Variants in CELA2A observed in about 807,000 individuals in gnomAD.
The protein encoded by CELA2A is chymotrypsin like elastase 2A, also known as chymotrypsin-like elastase family member 2A.
CELA2A carries 31 observed loss-of-function variants against 35.3 expected under a neutral mutation model. The ratio of observed to expected loss-of-function variants is 0.88; its 90% CI spans 0.66 to 1.19. The LOEUF is 1.19. Among genes scored for constraint, CELA2A ranks in the 50% most tolerant of loss-of-function variants. CELA2A has a pLI of 0.00. For missense variants in CELA2A, 330 were observed against 352.9 expected, an observed-to-expected ratio of 0.94 and a Z score of 0.52; for synonymous variants, 150 against 149.8, an observed-to-expected ratio of 1.00 and a Z score of -0.01.
intron 3 of CELA2A, chr1:15,462,216 G>A (rs373171213): frequency 4.3e-5 from 20 of 469,436 alleles, no homozygotes; most frequent in East Asian, 2.1e-4. Context: ...CTGCCGGGTC[G>A]GCGTGACTCC....
At chr1:15,461,758 T>G in intron 3 of CELA2A, 100 bp downstream of exon 3, 1 of 1,386,510 alleles carries the variant, frequency 7.2e-7, no homozygotes, top group South Asian at 1.2e-5. Flanking sequence ...AAAGCAGCCT[T>G]GCAAATAACC....
intron 3 of CELA2A, chr1:15,461,982 C>G: frequency 1.8e-6 from 1 of 547,796 alleles, no homozygotes. Context: ...ACTGACTTCT[C>G]AAAGCTTCAA....
chr1:15,462,280 T>C (rs768664236), intron 3 of CELA2A: 10 of 465,812 alleles, frequency 2.1e-5, no homozygotes, highest in East Asian at 6.9e-5. Context: ...CTAGGAGGTA[T>C]TGGGGAAAAT....
chr1:15,468,514 T>C (rs999321636), intron 7 of CELA2A, among the ~76,000 whole-genome samples: 9 of 152,154 alleles, frequency 5.9e-5, no homozygotes, highest in African/African-American at 1.9e-4. Flanking sequence ...AATTATTTAT[T>C]AAAAATAATA....
rs757198517 is a variant in CELA2A, at chr1:15,463,538, G to A, written c.493+16G>A. On this transcript the variant is annotated intron_variant, in intron 5 of 7. Coordinates refer to ENST00000359621, the MANE Select transcript of CELA2A (RefSeq NM_033440.3). ...AGGCTGCAGAGTAAGTGGGAGCCAG[G>A]AGCCCCCAGGCCTGGGAGGGAAGGG... is the stretch of plus-strand genomic sequence containing the variant. The A allele has an allele frequency of 3.7e-6, 6 of 1,612,844 alleles. No individual in the cohort carries two copies. The highest frequency in any genetic ancestry group is 3.4e-6 in the Non-Finnish European group (4 of 1,179,258).
At position 15,463,734 on chromosome 1, in the gene CELA2A, C is replaced by T. The variant is rs147507438; in HGVS notation, c.493+212C>T. On this transcript the variant is annotated intron_variant, in intron 5 of 7. Transcript: ENST00000359621. ...GGACACATTACTAGGTCTCTCCATGCAGCACTTTTTTCATCTGTAAAATGC... is the reference window on the plus strand; with the variant it reads ...GGACACATTACTAGGTCTCTCCATGTAGCACTTTTTTCATCTGTAAAATGC... Among the ~76,000 whole-genome samples, 271 of 152,240 alleles carry T rather than the reference C, an allele frequency of 1.8e-3. 1 individual carries two copies. The highest frequency in any genetic ancestry group is 6.8e-3 in the Middle Eastern group (2 of 294).
chr1:15,471,938 T>G, intron 7 of CELA2A, 52 bp from the exon 8 acceptor site: 2 of 1,612,760 alleles, frequency 1.2e-6, no homozygotes, highest in Non-Finnish European at 1.7e-6. Context: ...GAAACTGCCA[T>G]GCACAGCTCT....
chr1:15,460,017 T>G (rs1283845826), intron 2 of CELA2A, among the ~76,000 whole-genome samples: 1 of 152,008 alleles, frequency 6.6e-6, no homozygotes, highest in African/African-American at 2.4e-5. Flanking sequence ...TTAATGCAAT[T>G]TTGTTTCTTC....
At chr1:15,461,952 G>C (rs1218533300) in intron 3 of CELA2A, 1 of 607,236 alleles carries the variant, frequency 1.6e-6, no homozygotes, top group Non-Finnish European at 3.1e-6. Flanking sequence ...ATCTGGAATT[G>C]GGTTCCCTTG....
chr1:15,470,748 T>C (rs1708579484), intron 7 of CELA2A, among the ~76,000 whole-genome samples: 1 of 152,152 alleles, frequency 6.6e-6, no homozygotes. Flanking sequence ...GCCCAACTAA[T>C]TTTTGTATTT....
intron 5 of CELA2A, among the ~76,000 whole-genome samples, chr1:15,464,191 G>GT (rs1708480394): frequency 6.6e-6 from 1 of 152,198 alleles, no homozygotes; most frequent in African/African-American, 2.4e-5. Flanking sequence ...GAAAGTTACA[G>GT]AGACCATGTG....
chr1:15,460,645 A>G (rs1708420844), intron 2 of CELA2A, among the ~76,000 whole-genome samples: 6 of 112,288 alleles, frequency 5.3e-5, no homozygotes. Context: ...TCACCACCTT[A>G]AAGTTCTTTT....
chr1:15,471,273 G>A (rs1708590537), intron 7 of CELA2A, among the ~76,000 whole-genome samples: 1 of 152,118 alleles, frequency 6.6e-6, no homozygotes, highest in Admixed American at 6.5e-5. Context: ...CAGGCTGGGC[G>A]CGGTGGCTCA....
intron 6 of CELA2A, 89 bp from the exon 7 acceptor site, chr1:15,467,297 C>G: frequency 7.3e-7 from 1 of 1,379,030 alleles, no homozygotes; most frequent in Non-Finnish European, 1.0e-6. Flanking sequence ...TGACCTGCAG[C>G]AGAACAATAG....
At chr1:15,457,846 TGCGCAGATTAATCTTTAACCACAG>T (rs1237945100) in intron 2 of CELA2A, among the ~76,000 whole-genome samples, 1 of 152,248 alleles carries the variant, frequency 6.6e-6, no homozygotes, top group South Asian at 2.1e-4. Flanking sequence ...CAGTGCTATT[TGCGCAGATTAATCTTTAACCACAG>T]GCAAATCAAT....
rs796840678 is a variant in CELA2A, at chr1:15,461,488, T to A, written c.130-73T>A. 9.7e-6 allele frequency: 15 copies of A among 1,549,806 alleles called. No homozygotes were observed. In the African/African-American group the frequency reaches 2.0e-4, roughly 21 times the overall value. On this transcript the variant is annotated intron_variant, in intron 2 of 7. Coordinates refer to ENST00000359621, the MANE Select transcript of CELA2A (RefSeq NM_033440.3). ...CCCCTTACCCTTGTCCCAGCCCCGT[T>A]CTTGGGAAACTGGAGTGCAGGGAGG...
chr1:15,458,196 A>G (rs1245420023), intron 2 of CELA2A, among the ~76,000 whole-genome samples: 1 of 152,166 alleles, frequency 6.6e-6, no homozygotes, highest in East Asian at 1.9e-4. Flanking sequence ...GCCATGCCCC[A>G]TATCTTATCT....
rs372916211 is a variant in CELA2A at position 15,467,469 on chromosome 1, C to A, written c.723C>A (p.Leu241=). The A allele has an allele frequency of 1.9e-6, 3 of 1,614,038 alleles. No individual in the cohort carries two copies. Among genetic ancestry groups the A allele is most frequent in the African/African-American group, 1.3e-5 (1 of 74,936 alleles). ...VHGIVSFGSR[L]GCNYYHKPSV... ...GCATCGTCAGCTTCGGGTCTCGCCT[C>A]GGCTGCAACTACTACCACAAGCCCT... Residue 241 remains leucine (L), a synonymous_variant, in exon 7 of 8, where the codon CTC becomes CTA. Coordinates refer to ENST00000359621, the MANE Select transcript of CELA2A (RefSeq NM_033440.3).
chr1:15,458,477 C>A (rs1323002962), intron 2 of CELA2A, among the ~76,000 whole-genome samples: 2 of 152,096 alleles, frequency 1.3e-5, no homozygotes, highest in Non-Finnish European at 2.9e-5. Flanking sequence ...GGGAGCAAAC[C>A]CAGCTGAATC....
Sources: gnomAD v4.1 joint callset for allele counts (sites outside exome capture counted in the v4.1 genomes callset) on GRCh38, gnomAD v4.1.1 for gene constraint, MANE v1.5 for transcripts, NCBI Gene and HGNC (gene_info 2026-07-23, HGNC 2026-07-21) for gene names.